Variants in ZZEF1 observed in about 807,000 individuals in gnomAD.
ZZEF1 encodes the protein zinc finger ZZ-type and EF-hand domain containing 1.
A neutral mutation model predicts 342.8 loss-of-function variants in ZZEF1; 157 were observed. That is an observed-to-expected ratio of 0.46 (90% CI 0.40 to 0.52). The LOEUF (loss-of-function observed/expected upper bound fraction) is 0.52. ZZEF1 is among the 20% of genes least tolerant of loss of function. The pLI, the probability that ZZEF1 is intolerant of heterozygous loss-of-function variation, is 0.00. For missense variants in ZZEF1, 3,480 were observed against 3,725.6 expected (o/e 0.93, Z 1.72); for synonymous variants, 1,505 against 1,429.1 (o/e 1.05, Z -1.20).
intron 1 of ZZEF1, among the ~76,000 whole-genome samples, chr17:4,127,899 G>A (rs1027037401): frequency 2.0e-5 from 3 of 152,172 alleles, no homozygotes; most frequent in Admixed American, 6.5e-5. Flanking sequence ...ATCTCCCAAC[G>A]AAAGGGCCAG....
At chr17:4,117,836 T>C (rs527376846) in intron 2 of ZZEF1, among the ~76,000 whole-genome samples, 4 of 151,996 alleles carry the variant, frequency 2.6e-5, no homozygotes, top group Non-Finnish European at 5.9e-5. Flanking sequence ...GCATTAAGAG[T>C]AAAATCATAA....
At chr17:4,037,656 T>G (rs1361127639) in intron 39 of ZZEF1, among the ~76,000 whole-genome samples, 1 of 152,202 alleles carries the variant, frequency 6.6e-6, no homozygotes, top group Non-Finnish European at 1.5e-5. Context: ...CAACCTTGGC[T>G]CCCTATGACT....
At chr17:4,089,236 A>G (rs2057898721) in intron 12 of ZZEF1, among the ~76,000 whole-genome samples, 1 of 152,216 alleles carries the variant, frequency 6.6e-6, no homozygotes, top group African/African-American at 2.4e-5. Context: ...AGACGAAAAC[A>G]GTCAATGCCC....
chr17:4,047,755 A>C (rs2056953298), intron 37 of ZZEF1, among the ~76,000 whole-genome samples: 1 of 151,822 alleles, frequency 6.6e-6, no homozygotes, highest in Non-Finnish European at 1.5e-5. Flanking sequence ...AACCTGGCTA[A>C]CATGGTGAAA....
At chr17:4,133,595 C>T (rs1276624863) in intron 1 of ZZEF1, among the ~76,000 whole-genome samples, 4 of 152,240 alleles carry the variant, frequency 2.6e-5, no homozygotes, top group African/African-American at 7.2e-5. Flanking sequence ...TCAAGTCCCA[C>T]TTCCACCAAA....
intron 43 of ZZEF1, among the ~76,000 whole-genome samples, chr17:4,023,128 T>C (rs1424613586): frequency 2.0e-5 from 3 of 152,204 alleles, no homozygotes; most frequent in Non-Finnish European, 2.9e-5. Flanking sequence ...GTGTTCTTTC[T>C]GCTCCTTGAC....
At chr17:4,041,707 A>G (rs943111513) in intron 39 of ZZEF1, among the ~76,000 whole-genome samples, 5 of 152,204 alleles carry the variant, frequency 3.3e-5, no homozygotes, top group South Asian at 2.1e-4. Context: ...TGGAAAAAAT[A>G]TATTTACAGG....
chr17:4,044,117 C>A (rs2056859531), intron 38 of ZZEF1, 107 bp downstream of exon 38: 6 of 1,257,668 alleles, frequency 4.8e-6, no homozygotes, highest in South Asian at 1.4e-5. Flanking sequence ...AACCACGCAC[C>A]CCTGGCGTCT....
rs368445866 is a variant in ZZEF1 at position 4,036,817 on chromosome 17, ACTCTCTCTCTCTCT to A, written c.6307-2539_6307-2526del. ...CACACACACACACACACACACACAC[ACTCTCTCTCTCTCT>A]CTCTCTCTCTCTCCCCGCACCCCGC... is the stretch of plus-strand genomic sequence containing the variant. On this transcript the variant is annotated intron_variant, in intron 39 of 54. Transcript: ENST00000381638. 8.3e-5 allele frequency among the ~76,000 whole-genome samples: 6 copies of A among 72,602 alleles called. No homozygotes were observed. In the South Asian group the frequency reaches 2.7e-3, roughly 33 times the overall value. 47.6% of individuals were successfully genotyped at this position (72,602 alleles called of 152,430 possible). A position where few individuals can be genotyped will look rare whatever the true frequency, so the allele number is the denominator to read the frequency against.
chr17:4,034,683 C>A (rs749143118), intron 39 of ZZEF1, among the ~76,000 whole-genome samples: 3 of 152,110 alleles, frequency 2.0e-5, no homozygotes, highest in Non-Finnish European at 2.9e-5. Context: ...TTTTTCTATG[C>A]ATATTTATTT....
chr17:4,113,020 C>T (rs1355620159), intron 4 of ZZEF1, among the ~76,000 whole-genome samples: 2 of 152,184 alleles, frequency 1.3e-5, no homozygotes, highest in Non-Finnish European at 2.9e-5. Context: ...CAAGATTAAT[C>T]TTACGATTCC....
At chr17:4,142,453 G>C in intron 1 of ZZEF1, 89 bp downstream of exon 1, 1 of 1,377,606 alleles carries the variant, frequency 7.3e-7, no homozygotes, top group South Asian at 1.3e-5. Flanking sequence ...TCCCCGCCTG[G>C]CCTCTCCAAA....
intron 4 of ZZEF1, among the ~76,000 whole-genome samples, chr17:4,113,635 A>T (rs1411143997): frequency 6.6e-6 from 1 of 151,632 alleles, no homozygotes; most frequent in Non-Finnish European, 1.5e-5. Flanking sequence ...ACTGCACTCC[A>T]GCCTGGGCGT....
intron 5 of ZZEF1, 78 bp downstream of exon 5, chr17:4,112,531 A>G: frequency 7.0e-7 from 1 of 1,419,898 alleles, no homozygotes; most frequent in South Asian, 1.2e-5. Flanking sequence ...AATCTCAAAA[A>G]CTAACAGCCT....
intron 39 of ZZEF1, among the ~76,000 whole-genome samples, chr17:4,040,584 G>A (rs1325648892): frequency 6.6e-6 from 1 of 152,118 alleles, no homozygotes; most frequent in Non-Finnish European, 1.5e-5. Flanking sequence ...AGAAATACAG[G>A]CTGAAAAAAG....
chr17:4,070,973 A>G (rs1431582015), intron 25 of ZZEF1, 49 bp from the exon 26 acceptor site: 1 of 1,584,548 alleles, frequency 6.3e-7, no homozygotes, highest in Non-Finnish European at 8.6e-7. Context: ...CATTCAAAAA[A>G]TAAAATTTAT....
intron 39 of ZZEF1, among the ~76,000 whole-genome samples, chr17:4,035,494 T>C (rs1401252042): frequency 6.6e-6 from 1 of 151,972 alleles, no homozygotes; most frequent in Non-Finnish European, 1.5e-5. Flanking sequence ...GGAATTTCCA[T>C]GGAGAAGGTC....
chr17:4,042,294 G>A, intron 39 of ZZEF1, 135 bp downstream of exon 39: 5 of 964,548 alleles, frequency 5.2e-6, no homozygotes, highest in Non-Finnish European at 7.7e-6. Flanking sequence ...AGGGTCAGAA[G>A]AAAATAATTA....
At position 4,013,549 on chromosome 17, in the gene ZZEF1, T is replaced by C. The variant is rs1567759516; in HGVS notation, c.8479A>G (p.Ile2827Val). The C allele has an allele frequency of 1.2e-6, 2 of 1,613,984 alleles. No homozygotes were observed. The highest frequency in any genetic ancestry group is 8.5e-7 in the Non-Finnish European group (1 of 1,179,980). ...RVVPHLPLAK[I>V]WEWLVGVACR... ...GCCACGCCCACCAGCCATTCCCAAA[T>C]TTTTGCCAATGGGAGATGAGGCACG... The change falls in exon 52 of 55, where the codon ATT (isoleucine) becomes GTT (valine). Residue 2827 changes from isoleucine to valine, a missense_variant. By Grantham distance (29) the Ile-to-Val change is conservative. Coordinates refer to ENST00000381638, the MANE Select transcript of ZZEF1 (RefSeq NM_015113.4).
Sources: allele counts gnomAD v4.1 joint callset (sites outside exome capture counted in the v4.1 genomes callset), GRCh38; gene constraint gnomAD v4.1.1; transcripts MANE v1.5; gene names NCBI Gene and HGNC (gene_info 2026-07-23, HGNC 2026-07-21).